Variants in RBFOX1 observed in about 807,000 individuals in gnomAD.
RBFOX1 encodes RNA binding fox-1 homolog 1.
A neutral mutation model predicts 57.7 loss-of-function variants in RBFOX1; 8 were observed. The ratio of observed to expected loss-of-function variants is 0.14; its 90% CI spans 0.08 to 0.25. RBFOX1 has a LOEUF of 0.25. Ranked by LOEUF, RBFOX1 falls within the 10% of genes least tolerant of loss-of-function variation. RBFOX1 has a pLI of 1.00. For synonymous variants in RBFOX1, 326 were observed against 222.4 expected (o/e 1.47, Z -4.15); for missense variants, 611 against 548.5 (o/e 1.11, Z -1.14).
chr16:6,546,383 C>G (rs1393807395), intron 2 of RBFOX1, among the ~76,000 whole-genome samples: 1 of 152,286 alleles, frequency 6.6e-6, no homozygotes, highest in African/African-American at 2.4e-5. Context: ...CATTTATTGC[C>G]TCACCATTCT....
chr16:5,908,404 G>C (rs1225182456), intron 4 of RBFOX1, among the ~76,000 whole-genome samples: 2 of 151,420 alleles, frequency 1.3e-5, no homozygotes, highest in Non-Finnish European at 2.9e-5. Flanking sequence ...CCAGGCTGGA[G>C]TGCAGTAGTG....
chr16:7,423,390 A>C (rs1264693882), intron 4 of RBFOX1, among the ~76,000 whole-genome samples: 1 of 152,052 alleles, frequency 6.6e-6, no homozygotes. Context: ...GGAGATAATG[A>C]CTGGTAATTG....
At chr16:6,953,218 A>G (rs1387576773) in intron 3 of RBFOX1, among the ~76,000 whole-genome samples, 1 of 152,136 alleles carries the variant, frequency 6.6e-6, no homozygotes, top group African/African-American at 2.4e-5. Flanking sequence ...CGGTGCTCTC[A>G]GACCTGTTAC....
At chr16:6,353,395 C>A (rs2086732807) in intron 2 of RBFOX1, among the ~76,000 whole-genome samples, 1 of 151,626 alleles carries the variant, frequency 6.6e-6, no homozygotes, top group Non-Finnish European at 1.5e-5. Context: ...ATCCTAGATA[C>A]CTATTTTTTA....
At chr16:5,565,201 T>A (rs1382092228) in intron 2 of RBFOX1, among the ~76,000 whole-genome samples, 1 of 152,196 alleles carries the variant, frequency 6.6e-6, no homozygotes, top group Non-Finnish European at 1.5e-5. Flanking sequence ...AGGTGCCTTT[T>A]CCTTACCTTT....
rs2097470361 is a variant in RBFOX1, at chr16:6,232,439, C to A, written c.-126-84556C>A. 2.0e-5 allele frequency among the ~76,000 whole-genome samples: 3 copies of A among 152,070 alleles called. No homozygotes were observed. In the South Asian group the frequency reaches 6.2e-4, roughly 32 times the overall value. ...AGTAGAATGTTTCAGCATTTTTTTC[C>A]TAACATGACAGCCCTTTGGGGATCC... On this transcript the variant is annotated intron_variant, in intron 1 of 15. Transcript: ENST00000550418.
At chr16:6,538,604 G>C (rs62015468) in intron 2 of RBFOX1, among the ~76,000 whole-genome samples, 11,126 of 152,300 alleles carry the variant, frequency 0.073, 558 homozygotes, top group South Asian at 0.17. Flanking sequence ...ATGTTGTCCA[G>C]GCTGTGGAGA....
At chr16:7,500,672 A>G (rs1343951342) in intron 4 of RBFOX1, among the ~76,000 whole-genome samples, 1 of 152,204 alleles carries the variant, frequency 6.6e-6, no homozygotes, top group African/African-American at 2.4e-5. Context: ...TTCTTCCACT[A>G]AATAGATGTG....
intron 3 of RBFOX1, among the ~76,000 whole-genome samples, chr16:6,759,195 G>T (rs916693483): frequency 6.7e-6 from 1 of 149,212 alleles, no homozygotes; most frequent in African/African-American, 2.5e-5. Context: ...CTGTTGCCCA[G>T]GCTGGAGTGC....
intron 3 of RBFOX1, among the ~76,000 whole-genome samples, chr16:5,662,399 A>T (rs527532310): frequency 2.0e-5 from 3 of 152,332 alleles, no homozygotes; most frequent in African/African-American, 7.2e-5. Context: ...ATAATCTATT[A>T]TGTGTGAAAG....
intron 3 of RBFOX1, among the ~76,000 whole-genome samples, chr16:7,040,242 A>T (rs1227713678): frequency 1.3e-5 from 2 of 151,602 alleles, no homozygotes; most frequent in Non-Finnish European, 2.9e-5. Flanking sequence ...GATGGTCTCG[A>T]TCTCTTGACC....
chr16:6,407,596 G>GAGAGAGAGAAC (rs71386523), intron 2 of RBFOX1, among the ~76,000 whole-genome samples: 4,664 of 146,106 alleles, frequency 0.032, 313 homozygotes, highest in African/African-American at 0.1. Context: ...AGAGAGAGAA[G>GAGAGAGAGAAC]TACATTCTAT....
intron 3 of RBFOX1, among the ~76,000 whole-genome samples, chr16:5,840,422 G>C (rs952968735): frequency 6.6e-6 from 1 of 152,182 alleles, no homozygotes; most frequent in African/African-American, 2.4e-5. Context: ...GTGTGCCCCA[G>C]AGGATGCTGT....
intron 1 of RBFOX1, among the ~76,000 whole-genome samples, chr16:6,164,838 CT>C (rs1468795491): frequency 6.6e-6 from 1 of 152,062 alleles, no homozygotes; most frequent in Non-Finnish European, 1.5e-5. Flanking sequence ...TGTCGATGTA[CT>C]TGAAAAGTTT....
chr16:7,139,737 CTG>C (rs1335514590), intron 4 of RBFOX1, among the ~76,000 whole-genome samples: 1 of 152,024 alleles, frequency 6.6e-6, no homozygotes, highest in Non-Finnish European at 1.5e-5. Flanking sequence ...AGGTTGAAGA[CTG>C]AGAAATACAT....
rs1329120170 is a variant in RBFOX1 at position 6,113,515 on chromosome 16, G to A, written c.-127+93523G>A. 2.6e-5 allele frequency among the ~76,000 whole-genome samples: 4 copies of A among 152,146 alleles called. No individual in the cohort carries two copies. In the East Asian group the frequency reaches 5.8e-4, roughly 22 times the overall value. The stretch of plus-strand genomic sequence containing the variant: ...ATGGTACTGTGGCAGCCATCCTGTG[G>A]GCATGATGAGATGGCCAGGAGCATC... On this transcript the variant is annotated intron_variant, in intron 1 of 15. Coordinates refer to ENST00000550418, the MANE Select transcript of RBFOX1 (RefSeq NM_018723.4).
intron 3 of RBFOX1, among the ~76,000 whole-genome samples, chr16:6,744,925 C>G (rs912178536): frequency 2.6e-5 from 4 of 151,958 alleles, no homozygotes; most frequent in South Asian, 4.2e-4. Flanking sequence ...TTAGTAAAAT[C>G]AATACACTTT....
At chr16:6,649,927 G>T (rs35174105) in intron 2 of RBFOX1, among the ~76,000 whole-genome samples, 3 of 152,088 alleles carry the variant, frequency 2.0e-5, no homozygotes, top group Non-Finnish European at 4.4e-5. Flanking sequence ...GGGCCTTTGG[G>T]CTGGTTCCAT....
chr16:6,703,085 A>G (rs796610660), intron 3 of RBFOX1, among the ~76,000 whole-genome samples: 4 of 152,122 alleles, frequency 2.6e-5, no homozygotes, highest in African/African-American at 9.6e-5. Context: ...TGTTATTCTT[A>G]TTTCCTTCGT....
Sources: allele counts gnomAD v4.1 joint callset (sites outside exome capture counted in the v4.1 genomes callset), GRCh38; gene constraint gnomAD v4.1.1; transcripts MANE v1.5; gene names NCBI Gene and HGNC (gene_info 2026-07-23, HGNC 2026-07-21).